The following SUPT3H variants were observed in gnomAD, a reference collection of about 807,000 sequenced individuals.
SUPT3H encodes the protein SPT3 homolog, SAGA and STAGA complex component, also known as transcription initiation protein SPT3 homolog.
A neutral mutation model predicts 44.3 loss-of-function variants in SUPT3H; 44 were observed. The ratio of observed to expected loss-of-function variants is 0.99; its 90% CI spans 0.78 to 1.28. SUPT3H has a LOEUF of 1.28. Among genes scored for constraint, SUPT3H ranks in the 50% most tolerant of loss-of-function variants. The pLI is 0.00. For missense variants in SUPT3H, 380 were observed against 387.1 expected, an observed-to-expected ratio of 0.98 and a Z score of 0.15; for synonymous variants, 124 against 125.6, an observed-to-expected ratio of 0.99 and a Z score of 0.09.
intron 6 of SUPT3H, among the ~76,000 whole-genome samples, chr6:44,971,456 T>G (rs746059586): frequency 4.6e-5 from 7 of 152,096 alleles, no homozygotes; most frequent in Non-Finnish European, 8.8e-5. Context: ...AGCAAACACA[T>G]CCTTCTTCAC....
intron 6 of SUPT3H, among the ~76,000 whole-genome samples, chr6:44,973,653 A>G (rs1386231548): frequency 1.3e-5 from 2 of 152,118 alleles, no homozygotes; most frequent in Non-Finnish European, 2.9e-5. Flanking sequence ...CCAATTTCCT[A>G]TATTAATCTG....
At chr6:45,339,151 C>T (rs1789230782) in intron 2 of SUPT3H, among the ~76,000 whole-genome samples, 1 of 152,002 alleles carries the variant, frequency 6.6e-6, no homozygotes, top group South Asian at 2.1e-4. Context: ...TATTACTTGA[C>T]TATAAGGCTT....
chr6:44,892,408 C>G (rs1187651412), intron 10 of SUPT3H, among the ~76,000 whole-genome samples: 7 of 152,086 alleles, frequency 4.6e-5, no homozygotes, highest in Admixed American at 4.6e-4. Context: ...AGGGTCCGTA[C>G]CAGGAACTGA....
intron 2 of SUPT3H, among the ~76,000 whole-genome samples, chr6:45,269,317 G>A (rs541673291): frequency 2.0e-5 from 3 of 152,190 alleles, no homozygotes; most frequent in Admixed American, 2.0e-4. Flanking sequence ...TTCCTCATTT[G>A]TTTAACACCA....
intron 2 of SUPT3H, among the ~76,000 whole-genome samples, chr6:45,315,970 T>C (rs544920072): frequency 6.7e-6 from 1 of 148,886 alleles, no homozygotes; most frequent in Admixed American, 6.7e-5. Context: ...GATAGATAGA[T>C]AGATGATGGA....
At chr6:45,021,447 G>A (rs1005614874) in intron 3 of SUPT3H, among the ~76,000 whole-genome samples, 4 of 151,756 alleles carry the variant, frequency 2.6e-5, no homozygotes, top group African/African-American at 9.7e-5. Flanking sequence ...TTAGTTGGAA[G>A]CAACATAAAA....
rs148428967 is a variant in SUPT3H at position 45,202,564 on chromosome 6, C to T, written c.102-96558G>A. On this transcript the variant is annotated intron_variant, in intron 2 of 10. Transcript: ENST00000371459. ...TCTTTTGTATAACGTAGTCAAATAT[C>T]CCATTTAGAAGTTTGCCTAAATAAT... is the stretch of plus-strand genomic sequence containing the variant. 2.1e-3 allele frequency among the ~76,000 whole-genome samples: 325 copies of T among 152,080 alleles called. 1 individual carries two copies. The highest frequency in any genetic ancestry group is 7.5e-3 in the African/African-American group (311 of 41,540).
intron 2 of SUPT3H, among the ~76,000 whole-genome samples, chr6:45,331,451 A>C (rs1203869109): frequency 6.6e-6 from 1 of 152,008 alleles, no homozygotes; most frequent in African/African-American, 2.4e-5. Context: ...CAGTAGTGAC[A>C]AAGTTTTATA....
chr6:44,910,449 A>T (rs1490202180), intron 10 of SUPT3H, among the ~76,000 whole-genome samples: 1 of 152,156 alleles, frequency 6.6e-6, no homozygotes, highest in African/African-American at 2.4e-5. Context: ...TTTTTCAAAC[A>T]ATGCACATCC....
chr6:44,810,470 G>A (rs746464603), intron 11 of SUPT3H, among the ~76,000 whole-genome samples: 6 of 151,964 alleles, frequency 3.9e-5, no homozygotes, highest in Non-Finnish European at 5.9e-5. Context: ...TAGAAGATGT[G>A]TTAATAGTGG....
At position 45,318,156 on chromosome 6, in the gene SUPT3H, A is replaced by G. The variant is rs148012407; in HGVS notation, c.101+47045T>C. Among the ~76,000 whole-genome samples, 545 of 152,286 alleles carry G rather than the reference A, an allele frequency of 3.6e-3. 2 individuals carry two copies. Among genetic ancestry groups the G allele is most frequent in the African/African-American group, 0.013 (520 of 41,572 alleles). Reference sequence around the variant, plus strand: ...ACAGAGTAAAAAGATCCGTTGTCACAATGGTTAAGATAGTAAATTTATGTT... The same window carrying G: ...ACAGAGTAAAAAGATCCGTTGTCACGATGGTTAAGATAGTAAATTTATGTT... On this transcript the variant is annotated intron_variant, in intron 2 of 10. Transcript: ENST00000371459.
intron 10 of SUPT3H, among the ~76,000 whole-genome samples, chr6:44,855,537 G>C (rs762435143): frequency 1.3e-5 from 2 of 152,038 alleles, no homozygotes; most frequent in East Asian, 1.9e-4. Context: ...GAAATGTGCC[G>C]TATTTGATTC....
At chr6:44,891,752 A>AT (rs1254770147) in intron 10 of SUPT3H, among the ~76,000 whole-genome samples, 4 of 152,002 alleles carry the variant, frequency 2.6e-5, no homozygotes, top group African/African-American at 9.7e-5. Context: ...ACACTGGTAA[A>AT]TTTTTTATTA....
At chr6:44,917,569 G>A (rs568432315) in intron 10 of SUPT3H, among the ~76,000 whole-genome samples, 2 of 152,172 alleles carry the variant, frequency 1.3e-5, no homozygotes, top group South Asian at 2.1e-4. Flanking sequence ...ATGCAAATAT[G>A]ACTGACAGAC....
intron 2 of SUPT3H, among the ~76,000 whole-genome samples, chr6:45,247,139 A>G (rs1771509665): frequency 6.6e-6 from 1 of 152,248 alleles, no homozygotes; most frequent in Non-Finnish European, 1.5e-5. Flanking sequence ...AATCTCTGAT[A>G]ATAACGTTGA....
intron 10 of SUPT3H, among the ~76,000 whole-genome samples, chr6:44,870,940 C>T (rs1322448613): frequency 5.3e-5 from 8 of 151,702 alleles, no homozygotes; most frequent in Non-Finnish European, 2.9e-5. Flanking sequence ...CTTTTCAGAC[C>T]GGCTTAAAAA....
At chr6:44,971,419 GA>G (rs755053974) in intron 6 of SUPT3H, among the ~76,000 whole-genome samples, 1 of 152,100 alleles carries the variant, frequency 6.6e-6, no homozygotes, top group Non-Finnish European at 1.5e-5. Flanking sequence ...GAGGCCTCAG[GA>G]AACTTACAAT....
chr6:45,229,398 T>C (rs1455947679), intron 2 of SUPT3H, among the ~76,000 whole-genome samples: 1 of 152,032 alleles, frequency 6.6e-6, no homozygotes, highest in African/African-American at 2.4e-5. Context: ...CCCCACTGCA[T>C]GAAATACACA....
At chr6:45,018,841 T>C (rs1217850826) in intron 4 of SUPT3H, among the ~76,000 whole-genome samples, 1 of 151,854 alleles carries the variant, frequency 6.6e-6, no homozygotes, top group Non-Finnish European at 1.5e-5. Flanking sequence ...AGCTTTGGTA[T>C]CAGGATGATG....
Sources: gnomAD v4.1 joint callset for allele counts (sites outside exome capture counted in the v4.1 genomes callset) on GRCh38, gnomAD v4.1.1 for gene constraint, MANE v1.5 for transcripts, NCBI Gene and HGNC (gene_info 2026-07-23, HGNC 2026-07-21) for gene names.